Variants in COL25A1 observed in about 807,000 individuals in gnomAD.
COL25A1 encodes collagen alpha-1(XXV) chain.
A neutral mutation model predicts 128.4 loss-of-function variants in COL25A1; 103 were observed. That is an observed-to-expected ratio of 0.80 (90% CI 0.68 to 0.94). The LOEUF is 0.94. COL25A1 is among the 40% of genes least tolerant of loss of function. The probability of loss-of-function intolerance (pLI) is 0.00; values close to 1 mark genes in which losing one functional copy is unlikely to be tolerated. For synonymous variants in COL25A1, 279 were observed against 277.2 expected, an observed-to-expected ratio of 1.01 and a Z score of -0.06; for missense variants, 745 against 840.0, an observed-to-expected ratio of 0.89 and a Z score of 1.40.
chr4:108,978,742 T>G (rs1422661912), intron 6 of COL25A1, among the ~76,000 whole-genome samples: 1 of 152,184 alleles, frequency 6.6e-6, no homozygotes, highest in Non-Finnish European at 1.5e-5. Flanking sequence ...TGGTAACTAT[T>G]TGAAGATAAA....
chr4:109,246,678 A>G (rs1780287705), intron 3 of COL25A1, among the ~76,000 whole-genome samples: 1 of 152,046 alleles, frequency 6.6e-6, no homozygotes, highest in African/African-American at 2.4e-5. Flanking sequence ...TGACTCTACT[A>G]TGATCATTTT....
intron 3 of COL25A1, among the ~76,000 whole-genome samples, chr4:109,299,407 A>G (rs908086265): frequency 2.0e-5 from 3 of 152,178 alleles, no homozygotes; most frequent in Non-Finnish European, 4.4e-5. Flanking sequence ...TTCTCGATCA[A>G]AAGGGCTTCA....
At chr4:109,238,986 G>A (rs1004174318) in intron 3 of COL25A1, among the ~76,000 whole-genome samples, 2 of 151,918 alleles carry the variant, frequency 1.3e-5, no homozygotes, top group African/African-American at 4.8e-5. Context: ...TCAACCCGAG[G>A]GGAACCCCTT....
intron 3 of COL25A1, among the ~76,000 whole-genome samples, chr4:109,279,429 A>G (rs1039100154): frequency 6.6e-6 from 1 of 152,114 alleles, no homozygotes; most frequent in Non-Finnish European, 1.5e-5. Flanking sequence ...TTAGAAGATT[A>G]GCCAGGTCTG....
At chr4:109,008,256 A>G (rs1756229699) in intron 6 of COL25A1, among the ~76,000 whole-genome samples, 1 of 152,328 alleles carries the variant, frequency 6.6e-6, no homozygotes, top group African/African-American at 2.4e-5. Context: ...CAGGGAACTT[A>G]GTGGATAAAT....
intron 3 of COL25A1, among the ~76,000 whole-genome samples, chr4:109,283,416 T>TTTTTTC (rs1252169155): frequency 6.6e-6 from 1 of 152,112 alleles, no homozygotes; most frequent in Non-Finnish European, 1.5e-5. Flanking sequence ...CAGGCTAATT[T>TTTTTTC]TTTTTCTTTT....
chr4:109,257,018 G>A (rs7675657), intron 3 of COL25A1, among the ~76,000 whole-genome samples: 73,929 of 151,906 alleles, frequency 0.49, 20,776 homozygotes, highest in African/African-American at 0.75. Context: ...GGTGGTTTGT[G>A]TCATTCCATA....
rs147495787 is a variant in COL25A1, at chr4:108,868,713, A to G, written c.1083+375T>C. On this transcript the variant is annotated intron_variant, in intron 20 of 37. Coordinates refer to ENST00000399132, the MANE Select transcript of COL25A1 (RefSeq NM_198721.4). ...AGCGAAGGGAAGGAAGAAAGGAAGG[A>G]GGGAAGGAAGAAAGGAAGGGAGGAA... Among the ~76,000 whole-genome samples, 1,100 of 146,734 alleles carry G rather than the reference A, an allele frequency of 7.5e-3. 8 individuals carry two copies. The highest frequency in any genetic ancestry group is 0.026 in the African/African-American group (1,039 of 39,892).
At chr4:108,988,859 C>T (rs1413449238) in intron 6 of COL25A1, among the ~76,000 whole-genome samples, 2 of 152,174 alleles carry the variant, frequency 1.3e-5, no homozygotes, top group Non-Finnish European at 2.9e-5. Flanking sequence ...TCTCAATTTC[C>T]TTCCCTGGAC....
intron 3 of COL25A1, among the ~76,000 whole-genome samples, chr4:109,197,359 TA>T (rs1211142722): frequency 7.7e-6 from 1 of 129,974 alleles, no homozygotes; most frequent in Non-Finnish European, 1.6e-5. Context: ...ATATTATATA[TA>T]AAAATATATA....
intron 11 of COL25A1, chr4:108,921,115 C>T (rs538293084): frequency 6.5e-6 from 1 of 154,266 alleles, no homozygotes; most frequent in South Asian, 2.0e-4. Context: ...AACTAACCTG[C>T]ACAAAAACTT....
At chr4:108,830,116 G>A (rs1048071577) in intron 32 of COL25A1, among the ~76,000 whole-genome samples, 22 of 152,060 alleles carry the variant, frequency 1.4e-4, no homozygotes, top group South Asian at 6.2e-4. Context: ...CTAATGATTC[G>A]AGCTTGAAAA....
chr4:109,014,995 G>C (rs1333066453), intron 5 of COL25A1, among the ~76,000 whole-genome samples: 1 of 152,176 alleles, frequency 6.6e-6, no homozygotes, highest in Non-Finnish European at 1.5e-5. Flanking sequence ...CGGCAGCGCC[G>C]AGTCTTGCAG....
At chr4:109,128,247 C>T (rs1413084066) in intron 3 of COL25A1, among the ~76,000 whole-genome samples, 2 of 152,104 alleles carry the variant, frequency 1.3e-5, no homozygotes, top group Non-Finnish European at 1.5e-5. Context: ...GGCACATAGA[C>T]CTTAGATAAG....
intron 13 of COL25A1, among the ~76,000 whole-genome samples, chr4:108,915,050 T>C (rs1398259278): frequency 1.3e-5 from 2 of 152,184 alleles, no homozygotes; most frequent in East Asian, 3.9e-4. Flanking sequence ...CACTACCTCC[T>C]ACTTTTCACA....
intron 31 of COL25A1, among the ~76,000 whole-genome samples, chr4:108,832,973 T>TAATTAATAAATAAATAAATA (rs1553944789): frequency 9.4e-5 from 10 of 106,110 alleles, no homozygotes; most frequent in African/African-American, 2.2e-4. Flanking sequence ...TCTCAAAAAA[T>TAATTAATAAATAAATAAATA]AATAAATAAA....
rs564696576 is a variant in COL25A1 at position 109,274,387 on chromosome 4, T to C, written c.367+26196A>G. Among the ~76,000 whole-genome samples the C allele has an allele frequency of 1.3e-4, 20 of 152,310 alleles. No homozygotes were observed. In the East Asian group the frequency reaches 3.7e-3, roughly 28 times the overall value. On this transcript the variant is annotated intron_variant, in intron 3 of 37. Coordinates refer to ENST00000399132, the MANE Select transcript of COL25A1 (RefSeq NM_198721.4). ...TATAAGATTCTAATAAATCAGCAGC[T>C]ATTCTTTTTAGCTTTAGACTGGTTT... is the stretch of plus-strand genomic sequence containing the variant.
chr4:109,280,558 C>T (rs1446673146), intron 3 of COL25A1, among the ~76,000 whole-genome samples: 1 of 152,126 alleles, frequency 6.6e-6, no homozygotes, highest in African/African-American at 2.4e-5. Context: ...CCTGAATATA[C>T]ACTGAATATT....
intron 3 of COL25A1, among the ~76,000 whole-genome samples, chr4:109,215,466 T>A (rs1245906211): frequency 6.6e-6 from 1 of 152,132 alleles, no homozygotes; most frequent in African/African-American, 2.4e-5. Flanking sequence ...TCATCAACAC[T>A]TACACTAAAA....
Sources: allele counts gnomAD v4.1 joint callset (sites outside exome capture counted in the v4.1 genomes callset), GRCh38; gene constraint gnomAD v4.1.1; transcripts MANE v1.5; gene names NCBI Gene and HGNC (gene_info 2026-07-23, HGNC 2026-07-21).